CNTNAP4: variants seen among roughly 807,000 people sequenced by gnomAD.
CNTNAP4 encodes the protein contactin-associated protein-like 4.
In CNTNAP4, 98 loss-of-function variants were observed where a neutral mutation model predicts 148.4. The observed-to-expected ratio is 0.66, with a 90% CI of 0.56 to 0.78. The LOEUF (loss-of-function observed/expected upper bound fraction) is 0.78. CNTNAP4 is among the 30% of genes least tolerant of loss of function. CNTNAP4 has a pLI of 0.00. For synonymous variants in CNTNAP4, 730 were observed against 565.1 expected (o/e 1.29, Z -4.14); for missense variants, 1,935 against 1,565.6 (o/e 1.24, Z -3.98).
At chr16:76,464,016 A>G (rs748316424) in intron 9 of CNTNAP4, among the ~76,000 whole-genome samples, 17 of 152,142 alleles carry the variant, frequency 1.1e-4, no homozygotes, top group Admixed American at 5.9e-4. Flanking sequence ...ATGAGATTCT[A>G]TTGGTCATTA....
chr16:76,315,683 C>A (rs945380570), intron 1 of CNTNAP4, among the ~76,000 whole-genome samples: 3 of 151,116 alleles, frequency 2.0e-5, no homozygotes, highest in Non-Finnish European at 3.0e-5. Context: ...CAACCTCTGC[C>A]TCTCAGGTTA....
At chr16:76,486,548 T>C (rs2082034375) in intron 12 of CNTNAP4, among the ~76,000 whole-genome samples, 1 of 151,858 alleles carries the variant, frequency 6.6e-6, no homozygotes, top group Admixed American at 6.6e-5. Flanking sequence ...CCTGTATTTC[T>C]AGACAAAGAC....
rs1431077938 is a variant in CNTNAP4 at position 76,521,955 on chromosome 16, TGTA to T, written c.2537-81_2537-79del. 2.7e-5 allele frequency: 32 copies of T among 1,195,970 alleles called. No homozygotes were observed. In the Admixed American group the frequency reaches 4.2e-4, roughly 16 times the overall value. 74.1% of individuals were successfully genotyped at this position (1,195,970 alleles called of 1,614,324 possible). On this transcript the variant is annotated intron_variant, in intron 16 of 23. Coordinates refer to ENST00000611870, the MANE Select transcript of CNTNAP4 (RefSeq NM_033401.5). ...TCTTTCTGTTCAGCGATTGTTACGC[TGTA>T]GTGTGTTCCTAAGTATATTGGAGAC...
chr16:76,443,013 A>T (rs187362237), intron 4 of CNTNAP4, among the ~76,000 whole-genome samples: 1 of 152,128 alleles, frequency 6.6e-6, no homozygotes, highest in Non-Finnish European at 1.5e-5. Context: ...TGTCAGAACA[A>T]TTTGCAACTG....
chr16:76,455,245 G>C (rs6564342), intron 8 of CNTNAP4, among the ~76,000 whole-genome samples: 8,157 of 152,088 alleles, frequency 0.054, 279 homozygotes, highest in South Asian at 0.1. Context: ...CAAAGTTTTT[G>C]ATATCAAATT....
At chr16:76,491,562 G>C (rs1240743795) in intron 13 of CNTNAP4, among the ~76,000 whole-genome samples, 1 of 152,126 alleles carries the variant, frequency 6.6e-6, no homozygotes, top group Non-Finnish European at 1.5e-5. Context: ...ACACTGTTTA[G>C]TTTGTAATGG....
intron 3 of CNTNAP4, among the ~76,000 whole-genome samples, chr16:76,410,495 G>A (rs916981683): frequency 6.6e-6 from 1 of 151,696 alleles, no homozygotes; most frequent in African/African-American, 2.4e-5. Flanking sequence ...GTTTCAAAAG[G>A]TAATGCAAGT....
chr16:76,546,706 A>G (rs965031148), intron 21 of CNTNAP4, among the ~76,000 whole-genome samples: 3 of 152,108 alleles, frequency 2.0e-5, no homozygotes, highest in African/African-American at 7.2e-5. Flanking sequence ...TCTGTAGAAA[A>G]CCTGTCTTCC....
intron 18 of CNTNAP4, among the ~76,000 whole-genome samples, chr16:76,536,993 C>T (rs558136736): frequency 6.6e-6 from 1 of 152,116 alleles, no homozygotes; most frequent in South Asian, 2.1e-4. Context: ...AAAAGATGGC[C>T]AAATGCTCTT....
At chr16:76,542,201 G>C (rs577430666) in intron 21 of CNTNAP4, among the ~76,000 whole-genome samples, 1 of 152,214 alleles carries the variant, frequency 6.6e-6, no homozygotes, top group Non-Finnish European at 1.5e-5. Context: ...AATATATTCA[G>C]TTATTTCATA....
At chr16:76,429,845 C>T (rs1459764811) in intron 4 of CNTNAP4, among the ~76,000 whole-genome samples, 1 of 152,112 alleles carries the variant, frequency 6.6e-6, no homozygotes, top group African/African-American at 2.4e-5. Flanking sequence ...TTCACATTGA[C>T]CCATGGTTGA....
intron 3 of CNTNAP4, among the ~76,000 whole-genome samples, chr16:76,416,166 A>T (rs1441890004): frequency 2.6e-5 from 4 of 151,160 alleles, no homozygotes; most frequent in African/African-American, 7.3e-5. Context: ...TCCCCCATAG[A>T]TAGCAAACTA....
At chr16:76,357,034 A>G (rs181632388) in intron 3 of CNTNAP4, among the ~76,000 whole-genome samples, 10 of 149,842 alleles carry the variant, frequency 6.7e-5, no homozygotes, top group Admixed American at 1.4e-4. Flanking sequence ...AGAGGAAAAA[A>G]AAACAAACAA....
chr16:76,289,228 C>A (rs1421337263), intron 1 of CNTNAP4, among the ~76,000 whole-genome samples: 5 of 152,092 alleles, frequency 3.3e-5, no homozygotes, highest in African/African-American at 1.2e-4. Flanking sequence ...TCTTCCTATG[C>A]CTGTAGCACG....
chr16:76,280,874 C>T (rs1037551933), intron 1 of CNTNAP4, among the ~76,000 whole-genome samples: 1 of 151,964 alleles, frequency 6.6e-6, no homozygotes, highest in Non-Finnish European at 1.5e-5. Context: ...TCAACTTACC[C>T]CAAAAGAAGG....
intron 2 of CNTNAP4, among the ~76,000 whole-genome samples, chr16:76,328,360 C>T (rs1335190641): frequency 6.6e-6 from 1 of 152,132 alleles, no homozygotes. Context: ...TACACAATAC[C>T]TGACCAGCCA....
chr16:76,552,626 T>C (rs982443742), intron 21 of CNTNAP4, among the ~76,000 whole-genome samples: 3 of 152,204 alleles, frequency 2.0e-5, no homozygotes, highest in Admixed American at 6.5e-5. Flanking sequence ...CAGTGACAAG[T>C]TGTCATTGAA....
intron 4 of CNTNAP4, among the ~76,000 whole-genome samples, chr16:76,436,486 G>GCT (rs71134760): frequency 0.64 from 97,416 of 151,750 alleles, 32,708 homozygotes; most frequent in African/African-American, 0.84. Context: ...CACAATTTCA[G>GCT]CTTTCTCTAA....
At chr16:76,553,723 A>T in intron 22 of CNTNAP4, 113 bp from the exon 23 acceptor site, 1 of 696,090 alleles carries the variant, frequency 1.4e-6, no homozygotes, top group Non-Finnish European at 2.5e-6. Flanking sequence ...AATAACAGAG[A>T]TCCCACATTC....
Sources: allele counts gnomAD v4.1 joint callset (sites outside exome capture counted in the v4.1 genomes callset), GRCh38; gene constraint gnomAD v4.1.1; transcripts MANE v1.5; gene names NCBI Gene and HGNC (gene_info 2026-07-23, HGNC 2026-07-21).